The following SMIM3 variants were observed in gnomAD, a reference collection of about 807,000 sequenced individuals.
SMIM3 encodes small integral membrane protein 3.
A neutral mutation model predicts 2.1 loss-of-function variants in SMIM3; 4 were observed. The observed-to-expected ratio is 1.89, with a 90% CI of 0.93 to 4.31. The LOEUF is 4.31. Among genes scored for constraint, SMIM3 ranks in the 30% most tolerant of loss-of-function variants. The probability of loss-of-function intolerance (pLI) is 0.01; values close to 1 mark genes in which losing one functional copy is unlikely to be tolerated. For missense variants in SMIM3, 79 were observed against 77.7 expected (o/e 1.02, Z -0.06); for synonymous variants, 29 against 30.8 (o/e 0.94, Z 0.19).
intron 1 of SMIM3, among the ~76,000 whole-genome samples, chr5:150,785,329 T>C (rs55975053): frequency 0.14 from 21,879 of 151,790 alleles, 2,829 homozygotes; most frequent in African/African-American, 0.34. Context: ...TCAAATGATC[T>C]GCCTGCCTTG....
rs192849956 is a variant in SMIM3 at position 150,779,064 on chromosome 5, C to A, written c.-12+92C>A. The A allele has an allele frequency of 1.2e-4, 55 of 454,706 alleles. No individual in the cohort carries two copies. In the East Asian group the frequency reaches 1.2e-3, roughly 10 times the overall value. The allele number at this position is 454,706 out of a possible 1,614,324, so 28.2% of individuals were successfully genotyped here. On this transcript the variant is annotated intron_variant, in intron 1 of 1. Transcript: ENST00000526627. ...CTACCTCTAGTGCGGCCCCTTTCCC[C>A]GGGCTCCCAACGTTCTTCTTTATGT...
At chr5:150,789,595 AG>A (rs1753328095) in intron 1 of SMIM3, among the ~76,000 whole-genome samples, 1 of 152,208 alleles carries the variant, frequency 6.6e-6, no homozygotes, top group South Asian at 2.1e-4. Flanking sequence ...CTATGTTCTG[AG>A]GAGCCCAGGG....
At chr5:150,779,870 G>T (rs556641594) in intron 1 of SMIM3, among the ~76,000 whole-genome samples, 2 of 125,876 alleles carry the variant, frequency 1.6e-5, no homozygotes, top group East Asian at 5.3e-4. Flanking sequence ...AACCTCAGGG[G>T]CTGTTATTCT....
chr5:150,790,189 G>A (rs1444028777), intron 1 of SMIM3, among the ~76,000 whole-genome samples: 1 of 152,126 alleles, frequency 6.6e-6, no homozygotes, highest in Non-Finnish European at 1.5e-5. Context: ...TAGCTTTAAT[G>A]TTCCAGGATT....
Position 150,778,814 on chromosome 5 carries a change from C to T in SMIM3, c.-170C>T, listed in dbSNP as rs1254242889. 1 of 472,720 alleles carries T rather than the reference C, an allele frequency of 2.1e-6. No individual in the cohort carries two copies. The highest frequency in any genetic ancestry group is 6.7e-5 in the East Asian group (1 of 14,910). 29.3% of individuals were successfully genotyped at this position (472,720 alleles called of 1,614,324 possible). ...TCCTGCGCTCTCCCGCCTCCCGGGG[C>T]TCGGAGGAGCCGGGGCACGTTCCAG... On this transcript the variant is annotated 5_prime_UTR_variant, in exon 1 of 2. Transcript: ENST00000526627.
At chr5:150,787,673 A>G (rs1753307726) in intron 1 of SMIM3, among the ~76,000 whole-genome samples, 1 of 152,222 alleles carries the variant, frequency 6.6e-6, no homozygotes, top group Non-Finnish European at 1.5e-5. Context: ...ATCCCCACAT[A>G]GGATTTTTGT....
intron 1 of SMIM3, among the ~76,000 whole-genome samples, chr5:150,779,481 C>T (rs1753209424): frequency 1.3e-5 from 2 of 152,164 alleles, no homozygotes; most frequent in South Asian, 4.1e-4. Flanking sequence ...GTGGCGGGTT[C>T]CAGCCCTGGT....
At chr5:150,788,404 G>A (rs1468236524) in intron 1 of SMIM3, among the ~76,000 whole-genome samples, 1 of 151,920 alleles carries the variant, frequency 6.6e-6, no homozygotes, top group Admixed American at 6.6e-5. Context: ...GGAAACTGAG[G>A]TGGGCGGATC....
intron 1 of SMIM3, among the ~76,000 whole-genome samples, chr5:150,779,946 C>T (rs1241597649): frequency 6.6e-6 from 1 of 151,124 alleles, no homozygotes; most frequent in Non-Finnish European, 1.5e-5. Flanking sequence ...CAGCTGGAAT[C>T]CTGCTGCACC....
intron 1 of SMIM3, among the ~76,000 whole-genome samples, chr5:150,788,868 T>C (rs1324633540): frequency 6.6e-6 from 1 of 152,122 alleles, no homozygotes; most frequent in Non-Finnish European, 1.5e-5. Context: ...TCTGATGGGA[T>C]GGCATGTTTG....
At chr5:150,785,580 C>CTTTTTTTTTTTTTTTTTTTT (rs35273478) in intron 1 of SMIM3, among the ~76,000 whole-genome samples, 1 of 113,682 alleles carries the variant, frequency 8.8e-6, no homozygotes, top group Admixed American at 1.1e-4. Context: ...TATTTCTTTT[C>CTTTTTTTTTTTTTTTTTTTT]TTTTTTTTTT....
chr5:150,783,193 G>A (rs1320491657), intron 1 of SMIM3, among the ~76,000 whole-genome samples: 1 of 152,190 alleles, frequency 6.6e-6, no homozygotes, highest in Non-Finnish European at 1.5e-5. Flanking sequence ...CTTCAAGTGG[G>A]ATCAGCCCCT....
intron 1 of SMIM3, among the ~76,000 whole-genome samples, chr5:150,780,211 CCCCTCTCTGGCCCTTGTCTT>C (rs1753217668): frequency 6.6e-6 from 1 of 152,238 alleles, no homozygotes; most frequent in Admixed American, 6.5e-5. Context: ...GGAGGCATTT[CCCCTCTCTGGCCCTTGTCTT>C]CCCTATCTGT....
intron 1 of SMIM3, among the ~76,000 whole-genome samples, chr5:150,791,416 C>A (rs1164060387): frequency 6.6e-6 from 1 of 152,044 alleles, no homozygotes; most frequent in Non-Finnish European, 1.5e-5. Flanking sequence ...TTCCCCCGAC[C>A]TTCCAGCCTC....
intron 1 of SMIM3, among the ~76,000 whole-genome samples, chr5:150,789,290 A>G (rs1753324861): frequency 6.6e-6 from 1 of 152,190 alleles, no homozygotes; most frequent in Non-Finnish European, 1.5e-5. Flanking sequence ...GCTTTTTCTC[A>G]AGCAAATATT....
In SMIM3 at chr5:150,795,591, C is replaced by CA; in HGVS notation, c.151_152insA (p.Arg51GlnfsTer7). On this transcript the variant is annotated frameshift_variant, in exon 2 of 2. Coordinates refer to ENST00000526627, the MANE Select transcript of SMIM3 (RefSeq NM_032947.5). LOFTEE classifies it high-confidence loss of function. ...CACTGCAGTAATCATCTATCGCATG[C>CA]GGACTCATCCGATCCTTAGTGGGGC... 6.4e-7 allele frequency: 1 copy of CA among 1,568,812 alleles called. No individual in the cohort carries two copies. Among genetic ancestry groups the CA allele is most frequent in the East Asian group, 2.3e-5 (1 of 42,992 alleles).
chr5:150,785,783 A>G (rs1222860684), intron 1 of SMIM3, among the ~76,000 whole-genome samples: 1 of 151,810 alleles, frequency 6.6e-6, no homozygotes, highest in Non-Finnish European at 1.5e-5. Context: ...GGGTTTCACC[A>G]TGTTGGCCAG....
Position 150,787,282 on chromosome 5 carries a change from A to G in SMIM3, c.-11-8148A>G, listed in dbSNP as rs1753303118. Among the ~76,000 whole-genome samples, 3 of 152,196 alleles carry G rather than the reference A, an allele frequency of 2.0e-5. No homozygotes were observed. In the South Asian group the frequency reaches 6.2e-4, roughly 31 times the overall value. On this transcript the variant is annotated intron_variant, in intron 1 of 1. Transcript: ENST00000526627. ...AAGACTGGTAATTCTTCATTATTTCATTAGCTCTTAGTGCCTTCCATCAGG... is the reference window on the plus strand; with the variant it reads ...AAGACTGGTAATTCTTCATTATTTCGTTAGCTCTTAGTGCCTTCCATCAGG...
intron 1 of SMIM3, among the ~76,000 whole-genome samples, chr5:150,789,951 G>T (rs940418862): frequency 2.0e-5 from 3 of 151,998 alleles, no homozygotes; most frequent in Non-Finnish European, 4.4e-5. Flanking sequence ...TGGGTATTGG[G>T]GTTAGAATAA....
Sources: allele counts gnomAD v4.1 joint callset (sites outside exome capture counted in the v4.1 genomes callset), GRCh38; gene constraint gnomAD v4.1.1; transcripts MANE v1.5; gene names NCBI Gene and HGNC (gene_info 2026-07-23, HGNC 2026-07-21).